TRPM3: variants seen among roughly 807,000 people sequenced by gnomAD.
The protein encoded by TRPM3 is transient receptor potential cation channel subfamily M member 3.
A neutral mutation model predicts 181.2 loss-of-function variants in TRPM3; 77 were observed. The observed-to-expected ratio is 0.42, with a 90% CI of 0.35 to 0.51. TRPM3 has a LOEUF of 0.51. Among genes scored for constraint, TRPM3 ranks in the 20% least tolerant of loss-of-function variants. TRPM3 has a pLI of 0.01. For synonymous variants in TRPM3, 745 were observed against 796.4 expected, an observed-to-expected ratio of 0.94 and a Z score of 1.09; for missense variants, 1,759 against 2,196.7, an observed-to-expected ratio of 0.80 and a Z score of 3.98.
chr9:71,159,153 C>A (rs1043676626), intron 1 of TRPM3, among the ~76,000 whole-genome samples: 1 of 150,232 alleles, frequency 6.7e-6, no homozygotes, highest in African/African-American at 2.5e-5. Context: ...TCCATTCATC[C>A]ATGTATCCAA....
At chr9:71,004,967 T>A (rs1264048760) in intron 1 of TRPM3, among the ~76,000 whole-genome samples, 1 of 152,148 alleles carries the variant, frequency 6.6e-6, no homozygotes, top group African/African-American at 2.4e-5. Context: ...AAAGAAGGCT[T>A]ATGACAATTA....
chr9:70,822,162 G>A (rs1445155316), intron 6 of TRPM3, among the ~76,000 whole-genome samples: 1 of 152,272 alleles, frequency 6.6e-6, no homozygotes, highest in African/African-American at 2.4e-5. Flanking sequence ...ATCTGTGCCC[G>A]TAATTCTCTG....
At chr9:70,808,970 G>C (rs2091296271) in intron 6 of TRPM3, among the ~76,000 whole-genome samples, 1 of 152,172 alleles carries the variant, frequency 6.6e-6, no homozygotes, top group Admixed American at 6.5e-5. Context: ...CCATAAGGTA[G>C]TAATAGAGCT....
intron 1 of TRPM3, among the ~76,000 whole-genome samples, chr9:70,864,745 C>G (rs2132443618): frequency 6.6e-6 from 1 of 151,978 alleles, no homozygotes; most frequent in Non-Finnish European, 1.5e-5. Context: ...ATTAAAGGAA[C>G]TGACCATAAT....
In TRPM3 at chr9:70,603,614, A is replaced by G. The variant is rs181660236; in HGVS notation, c.2668-144T>C. The G allele has an allele frequency of 1.0e-5, 8 of 777,154 alleles. No individual in the cohort carries two copies. In the Admixed American group the frequency reaches 1.2e-4, roughly 11 times the overall value. The allele number at this position is 777,154 out of a possible 1,614,324, so 48.1% of individuals were successfully genotyped here. A position where few individuals can be genotyped will look rare whatever the true frequency, so the allele number is the denominator to read the frequency against. On this transcript the variant is annotated intron_variant, in intron 19 of 25. Transcript: ENST00000677713. ...AAAAGGAACTTGAAGGTGCTAAACT[A>G]ACAAAAGAATTAGAAAAGACAGTAA...
intron 22 of TRPM3, among the ~76,000 whole-genome samples, chr9:70,590,344 C>G (rs1207872866): frequency 6.6e-6 from 1 of 152,116 alleles, no homozygotes. Flanking sequence ...GGGCATGAAA[C>G]CTTGGGGGCT....
intron 22 of TRPM3, among the ~76,000 whole-genome samples, chr9:70,576,128 C>T (rs150818740): frequency 1.6e-3 from 247 of 152,232 alleles, no homozygotes; most frequent in African/African-American, 5.4e-3. Context: ...TCCTCATGGG[C>T]GGTACAATGT....
At chr9:70,679,691 G>A (rs573270716) in intron 9 of TRPM3, among the ~76,000 whole-genome samples, 1 of 152,192 alleles carries the variant, frequency 6.6e-6, no homozygotes, top group East Asian at 1.9e-4. Context: ...ATAAAATAGA[G>A]CCTGTAAAAT....
At chr9:71,237,724 G>C (rs1418476090) in intron 1 of TRPM3, among the ~76,000 whole-genome samples, 1 of 152,162 alleles carries the variant, frequency 6.6e-6, no homozygotes, top group Non-Finnish European at 1.5e-5. Context: ...CAGAATATCT[G>C]AACTGGGAAA....
chr9:70,862,895 G>C lies in TRPM3; in HGVS notation c.462+13C>G. 1 of 1,612,580 alleles carries C rather than the reference G, an allele frequency of 6.2e-7. No individual in the cohort carries two copies. Among genetic ancestry groups the C allele is most frequent in the African/African-American group, 1.3e-5 (1 of 74,948 alleles). ...GATAGCATTTGGGAGCAACTGAATGGCTTTCTGATTACCATGGCTTTGTTG... is the reference window on the plus strand; with the variant it reads ...GATAGCATTTGGGAGCAACTGAATGCCTTTCTGATTACCATGGCTTTGTTG... On this transcript the variant is annotated intron_variant, in intron 3 of 25. Coordinates refer to ENST00000677713, the MANE Select transcript of TRPM3 (RefSeq NM_001366145.2).
intron 1 of TRPM3, among the ~76,000 whole-genome samples, chr9:71,279,795 C>T (rs146320247): frequency 3.3e-5 from 5 of 152,162 alleles, no homozygotes; most frequent in East Asian, 3.9e-4. Context: ...GAAATTATCC[C>T]GGCCGGGCGC....
At chr9:71,282,363 G>A (rs1345244899) in intron 1 of TRPM3, among the ~76,000 whole-genome samples, 4 of 104,004 alleles carry the variant, frequency 3.8e-5, no homozygotes, top group East Asian at 2.3e-4. Context: ...GAAAGAAAAA[G>A]AAAGAATGAA....
At chr9:70,893,990 T>C (rs2096248089) in intron 1 of TRPM3, among the ~76,000 whole-genome samples, 1 of 152,248 alleles carries the variant, frequency 6.6e-6, no homozygotes, top group Non-Finnish European at 1.5e-5. Flanking sequence ...ACTCCACATA[T>C]GGGAAATAGC....
At chr9:70,880,598 G>A (rs887129392) in intron 1 of TRPM3, among the ~76,000 whole-genome samples, 3 of 152,002 alleles carry the variant, frequency 2.0e-5, no homozygotes, top group Non-Finnish European at 4.4e-5. Context: ...ACCCTGGCCA[G>A]GTTTAAATGA....
chr9:71,011,412 G>A (rs2097737589), intron 1 of TRPM3, among the ~76,000 whole-genome samples: 1 of 152,014 alleles, frequency 6.6e-6, no homozygotes, highest in Non-Finnish European at 1.5e-5. Flanking sequence ...CCACAAATAT[G>A]TAGTTATGCC....
At chr9:70,664,472 G>T (rs2061537526) in intron 9 of TRPM3, among the ~76,000 whole-genome samples, 1 of 152,032 alleles carries the variant, frequency 6.6e-6, no homozygotes, top group South Asian at 2.1e-4. Context: ...TTATTGCAGT[G>T]CAAGAGTCTT....
intron 22 of TRPM3, among the ~76,000 whole-genome samples, chr9:70,563,550 GAGTT>G (rs2049709816): frequency 1.3e-5 from 2 of 152,178 alleles, no homozygotes; most frequent in African/African-American, 4.8e-5. Flanking sequence ...AAGAAGGAGT[GAGTT>G]CATTGAATGG....
intron 1 of TRPM3, among the ~76,000 whole-genome samples, chr9:71,215,047 C>CAAAAAAAAAA (rs72383590): frequency 3.6e-5 from 4 of 112,562 alleles, no homozygotes; most frequent in East Asian, 2.5e-4. Flanking sequence ...AAAAAAAAAA[C>CAAAAAAAAAA]AAAAAAAAAA....
intron 1 of TRPM3, among the ~76,000 whole-genome samples, chr9:71,090,502 C>T (rs2066019209): frequency 6.6e-6 from 1 of 152,148 alleles, no homozygotes; most frequent in African/African-American, 2.4e-5. Flanking sequence ...GGTCACCCTC[C>T]ACATCATGCC....
Sources: allele counts gnomAD v4.1 joint callset (sites outside exome capture counted in the v4.1 genomes callset), GRCh38; gene constraint gnomAD v4.1.1; transcripts MANE v1.5; gene names NCBI Gene and HGNC (gene_info 2026-07-23, HGNC 2026-07-21).